Variants in DTWD2 observed in about 807,000 individuals in gnomAD.
DTWD2 encodes the protein DTW motif tRNA-uridine aminocarboxypropyltransferase 2, also known as tRNA-uridine aminocarboxypropyltransferase 2.
A neutral mutation model predicts 31.8 loss-of-function variants in DTWD2; 39 were observed. The observed-to-expected ratio is 1.22, with a 90% confidence interval of 0.95 to 1.60. The LOEUF is 1.60. DTWD2 is among the 40% of genes most tolerant of loss of function. DTWD2 has a pLI of 0.00. For missense variants in DTWD2, 515 were observed against 381.5 expected (o/e 1.35, Z -2.92); for synonymous variants, 180 against 142.8 (o/e 1.26, Z -1.86).
In DTWD2 at chr5:118,939,283, T is replaced by C; in HGVS notation, c.317A>G (p.Lys106Arg). Reference sequence around the variant, plus strand: ...TAGTAGAGGAACTGTACGCAACACTTTGTTTTCCTTTAATTAAAAAATGAA... The same window carrying C: ...TAGTAGAGGAACTGTACGCAACACTCTGTTTTCCTTTAATTAAAAAATGAA... ...YIIQHPAEEN[K>R]VLRTVPLLAA... Residue 106 changes from lysine to arginine, a missense_variant, in exon 3 of 6, where the codon AAA (lysine) becomes AGA (arginine). Physicochemically the swap from Lys to Arg is conservative, Grantham distance 26. Transcript: ENST00000510708. 1 of 1,570,214 alleles carries C rather than the reference T, an allele frequency of 6.4e-7. No individual in the cohort carries two copies. Among genetic ancestry groups the C allele is most frequent in the African/African-American group, 1.4e-5 (1 of 73,040 alleles).
At chr5:118,941,808 G>A (rs963367324) in intron 2 of DTWD2, among the ~76,000 whole-genome samples, 1 of 152,170 alleles carries the variant, frequency 6.6e-6, no homozygotes, top group Non-Finnish European at 1.5e-5. Flanking sequence ...GTGTAAAAGT[G>A]TTCCTATTTC....
intron 4 of DTWD2, among the ~76,000 whole-genome samples, chr5:118,856,009 A>T (rs1752125667): frequency 6.6e-6 from 1 of 152,184 alleles, no homozygotes; most frequent in African/African-American, 2.4e-5. Context: ...ACCATTTAAG[A>T]AACTGAATAT....
At chr5:118,860,246 AAATG>A (rs1381745841) in intron 4 of DTWD2, among the ~76,000 whole-genome samples, 1 of 149,972 alleles carries the variant, frequency 6.7e-6, no homozygotes, top group Non-Finnish European at 1.5e-5. Flanking sequence ...TTATAATCTT[AAATG>A]AATATATCAT....
chr5:118,866,951 A>G (rs1269825468), intron 4 of DTWD2, among the ~76,000 whole-genome samples: 1 of 152,068 alleles, frequency 6.6e-6, no homozygotes, highest in Non-Finnish European at 1.5e-5. Flanking sequence ...ATAAACTACA[A>G]ATTCAATATG....
intron 2 of DTWD2, among the ~76,000 whole-genome samples, chr5:118,942,656 A>T (rs980225206): frequency 3.3e-5 from 5 of 152,110 alleles, no homozygotes; most frequent in Non-Finnish European, 5.9e-5. Flanking sequence ...CAAAAAATAG[A>T]AAGAAAACAT....
At chr5:118,941,833 A>G (rs1394589110) in intron 2 of DTWD2, among the ~76,000 whole-genome samples, 2 of 152,172 alleles carry the variant, frequency 1.3e-5, no homozygotes, top group African/African-American at 2.4e-5. Context: ...CATCCTCTCC[A>G]GCACCTGTTG....
intron 5 of DTWD2, among the ~76,000 whole-genome samples, chr5:118,841,960 C>A (rs1374197122): frequency 6.6e-6 from 1 of 152,046 alleles, no homozygotes; most frequent in Non-Finnish European, 1.5e-5. Context: ...ACAAAAAATT[C>A]ACAATGTCTA....
Position 118,839,813 on chromosome 5 carries a change from TAAAC to T in DTWD2, c.*1100_*1103del, listed in dbSNP as rs1339126251. The T allele has an allele frequency of 6.6e-6, 1 of 152,190 alleles. No individual in the cohort carries two copies. The highest frequency in any genetic ancestry group is 2.4e-5 in the African/African-American group (1 of 41,442). 9.4% of individuals were successfully genotyped at this position (152,190 alleles called of 1,614,324 possible). The stretch of plus-strand genomic sequence containing the variant: ...TAATGAGTCTAATCCAAGTAAATAA[TAAAC>T]AAATGATCATGAAAACTGTGAGAAA... On this transcript the variant is annotated 3_prime_UTR_variant, in exon 6 of 6. Coordinates refer to ENST00000510708, the MANE Select transcript of DTWD2 (RefSeq NM_173666.4).
intron 1 of DTWD2, among the ~76,000 whole-genome samples, chr5:118,947,183 C>A (rs1442591254): frequency 2.0e-5 from 3 of 152,058 alleles, no homozygotes; most frequent in Admixed American, 2.0e-4. Context: ...CTCCATGGGG[C>A]CCCCCGGCAG....
chr5:118,899,907 TTCTCCTGCTTC>T (rs1753168188), intron 4 of DTWD2, among the ~76,000 whole-genome samples: 1 of 151,212 alleles, frequency 6.6e-6, no homozygotes, highest in Non-Finnish European at 1.5e-5. Context: ...GTTCAAGCGA[TTCTCCTGCTTC>T]AGCCTCCCAA....
intron 4 of DTWD2, among the ~76,000 whole-genome samples, chr5:118,874,420 C>G (rs59705648): frequency 2.6e-5 from 4 of 151,980 alleles, no homozygotes; most frequent in Non-Finnish European, 5.9e-5. Flanking sequence ...TTGTTATTTA[C>G]AGAAGTACAT....
chr5:118,927,637 A>G (rs1409746512), intron 4 of DTWD2, among the ~76,000 whole-genome samples: 4 of 152,124 alleles, frequency 2.6e-5, no homozygotes, highest in African/African-American at 9.6e-5. Context: ...AACTTAGAGA[A>G]AAGAGATAAT....
intron 4 of DTWD2, among the ~76,000 whole-genome samples, chr5:118,902,022 T>G (rs1044476483): frequency 2.0e-5 from 3 of 152,244 alleles, no homozygotes; most frequent in Non-Finnish European, 4.4e-5. Context: ...TTTAAGTATT[T>G]TGAACAATTT....
intron 4 of DTWD2, among the ~76,000 whole-genome samples, chr5:118,855,048 T>A (rs1383762130): frequency 3.3e-5 from 5 of 151,218 alleles, no homozygotes. Flanking sequence ...GCACCTGTGG[T>A]CCCAGTTACT....
intron 4 of DTWD2, among the ~76,000 whole-genome samples, chr5:118,863,026 A>G (rs115953886): frequency 0.026 from 3,958 of 151,994 alleles, 179 homozygotes; most frequent in African/African-American, 0.09. Context: ...TGACTTAGCC[A>G]AACCTGAACT....
At chr5:118,941,636 C>T (rs1159801831) in intron 2 of DTWD2, among the ~76,000 whole-genome samples, 4 of 152,204 alleles carry the variant, frequency 2.6e-5, no homozygotes, top group Non-Finnish European at 4.4e-5. Context: ...CTGCAATAAA[C>T]ATACGTGTGC....
At chr5:118,918,519 A>T (rs1398120132) in intron 4 of DTWD2, among the ~76,000 whole-genome samples, 1 of 152,104 alleles carries the variant, frequency 6.6e-6, no homozygotes, top group African/African-American at 2.4e-5. Context: ...TCACAAAATC[A>T]TTGAGAGAAT....
intron 4 of DTWD2, among the ~76,000 whole-genome samples, chr5:118,860,481 G>C (rs889005342): frequency 6.6e-6 from 1 of 151,724 alleles, no homozygotes; most frequent in Non-Finnish European, 1.5e-5. Flanking sequence ...CTAGTCATTT[G>C]CTATTTTAAG....
At chr5:118,875,681 T>C (rs566793111) in intron 4 of DTWD2, among the ~76,000 whole-genome samples, 2 of 152,068 alleles carry the variant, frequency 1.3e-5, no homozygotes, top group Non-Finnish European at 2.9e-5. Context: ...TAAATATGTA[T>C]GTGCCCAACA....
Sources: allele counts gnomAD v4.1 joint callset (sites outside exome capture counted in the v4.1 genomes callset), GRCh38; gene constraint gnomAD v4.1.1; transcripts MANE v1.5; gene names NCBI Gene and HGNC (gene_info 2026-07-23, HGNC 2026-07-21).